Variants in DSCAML1 observed in about 807,000 individuals in gnomAD.
The protein encoded by DSCAML1 is cell adhesion molecule DSCAML1.
A neutral mutation model predicts 200.5 loss-of-function variants in DSCAML1; 38 were observed. The observed-to-expected ratio is 0.19, with a 90% confidence interval of 0.15 to 0.25. The LOEUF (loss-of-function observed/expected upper bound fraction) is 0.25. Ranked by LOEUF, DSCAML1 falls within the 10% of genes least tolerant of loss-of-function variation. The pLI is 1.00. For synonymous variants in DSCAML1, 1,215 were observed against 1,165.0 expected (o/e 1.04, Z -0.87); for missense variants, 2,223 against 2,858.8 (o/e 0.78, Z 5.07).
At chr11:117,816,029 A>C (rs1302547131) in intron 1 of DSCAML1, among the ~76,000 whole-genome samples, 2 of 151,870 alleles carry the variant, frequency 1.3e-5, no homozygotes, top group Non-Finnish European at 2.9e-5. Context: ...CCAATCTCCC[A>C]ATGCCACCTT....
chr11:117,484,504 A>AT (rs1481968980), intron 11 of DSCAML1, among the ~76,000 whole-genome samples: 1 of 152,252 alleles, frequency 6.6e-6, no homozygotes, highest in Non-Finnish European at 1.5e-5. Flanking sequence ...ACACTAGGAT[A>AT]TACAATAAAA....
intron 3 of DSCAML1, among the ~76,000 whole-genome samples, chr11:117,551,060 C>T (rs1210667676): frequency 6.6e-6 from 1 of 152,142 alleles, no homozygotes; most frequent in African/African-American, 2.4e-5. Flanking sequence ...CTTTTCCTGC[C>T]CCCTCTTCTC....
At chr11:117,534,120 T>G (rs1331003095) in intron 3 of DSCAML1, among the ~76,000 whole-genome samples, 3 of 152,138 alleles carry the variant, frequency 2.0e-5, no homozygotes, top group Non-Finnish European at 4.4e-5. Flanking sequence ...TATTTAGAGG[T>G]CTGCTACCTG....
At position 117,518,613 on chromosome 11, in the gene DSCAML1, G is replaced by A. The variant is rs201713277; in HGVS notation, c.1363C>T (p.Arg455Cys). ...DEPIVRDGSHRTNQYTMSDGT... is the reference protein window; with the variant it reads ...DEPIVRDGSHCTNQYTMSDGT... ...TCCGACATGGTGTACTGGTTGGTGCGGTGGCTGCCATCCCGCACGATGGGC... is the reference window on the plus strand; with the variant it reads ...TCCGACATGGTGTACTGGTTGGTGCAGTGGCTGCCATCCCGCACGATGGGC... The change falls in exon 7 of 33, where the codon CGC (arginine) becomes TGC (cysteine). Residue 455 changes from arginine (R) to cysteine (C), a missense_variant. Around this residue, in one of 7 missense-constraint regions of DSCAML1, gnomAD observed 579 missense variants for 721.5 expected, o/e 0.80. Transcript: ENST00000651296. This position sits in a 1 kb window ranked among gnomAD's most constrained non-coding sequence, Gnocchi z 6.3. The A allele has an allele frequency of 1.4e-5, 22 of 1,613,596 alleles. No individual in the cohort carries two copies. The highest frequency in any genetic ancestry group is 1.7e-5 in the Non-Finnish European group (20 of 1,179,950).
intron 1 of DSCAML1, among the ~76,000 whole-genome samples, chr11:117,784,049 T>C (rs1229367300): frequency 6.6e-6 from 1 of 152,170 alleles, no homozygotes; most frequent in Non-Finnish European, 1.5e-5. Context: ...GTAGATTTAA[T>C]TGATGAATTG....
chr11:117,455,638 T>A (rs955792091), intron 19 of DSCAML1, among the ~76,000 whole-genome samples: 1 of 152,228 alleles, frequency 6.6e-6, no homozygotes, highest in Admixed American at 6.5e-5. Context: ...TTATTTTGCT[T>A]TTTTCTAAAT....
At position 117,428,766 on chromosome 11, in the gene DSCAML1, C is replaced by G; in HGVS notation, c.5724G>C (p.Glu1908Asp). The change falls in exon 33 of 33, where the codon GAG becomes GAC. Residue 1908 changes from glutamate to aspartate, a missense_variant. Glu to Asp is a conservative substitution (Grantham distance 45, BLOSUM62 2). Coordinates refer to ENST00000651296, the MANE Select transcript of DSCAML1 (RefSeq NM_020693.4). Reference protein sequence around the residue: ...YCNLPLYAKSEAFFRKADGRE... With the variant: ...YCNLPLYAKSDAFFRKADGRE... ...GTCCATCTGCCTTTCGAAAGAAGGC[C>G]TCTGACTTGGCATACAGGGGCAGGT... is the stretch of plus-strand genomic sequence containing the variant. The G allele has an allele frequency of 6.2e-7, 1 of 1,610,688 alleles. No homozygotes were observed. The highest frequency in any genetic ancestry group is 8.5e-7 in the Non-Finnish European group (1 of 1,179,006).
At chr11:117,590,284 G>C (rs1442130140) in intron 3 of DSCAML1, among the ~76,000 whole-genome samples, 1 of 151,792 alleles carries the variant, frequency 6.6e-6, no homozygotes, top group Non-Finnish European at 1.5e-5. Flanking sequence ...GACTTCCTGG[G>C]CTCAAACAAT....
At position 117,748,884 on chromosome 11, in the gene DSCAML1, T is replaced by C. The variant is rs183844531; in HGVS notation, c.511+27907A>G. On this transcript the variant is annotated intron_variant, in intron 3 of 32. Transcript: ENST00000651296. ...GGCAGGGCTGCTATGAGCAGCAAGA[T>C]GGAGGGTCCCACTGCCCAGGCCCAG... Among the ~76,000 whole-genome samples the C allele has an allele frequency of 5.9e-5, 9 of 152,258 alleles. No individual in the cohort carries two copies. The East Asian group carries it at 1.7e-3, about 29-fold the overall frequency.
chr11:117,634,658 C>T (rs2052241962), intron 3 of DSCAML1, among the ~76,000 whole-genome samples: 2 of 152,202 alleles, frequency 1.3e-5, no homozygotes, highest in Admixed American at 1.3e-4. Context: ...CCCAAAGCCA[C>T]ATCCACTTGC....
chr11:117,520,730 C>CAA (rs900602820), intron 6 of DSCAML1, among the ~76,000 whole-genome samples: 2 of 151,630 alleles, frequency 1.3e-5, no homozygotes, highest in African/African-American at 4.8e-5. Context: ...GAAAACAAAA[C>CAA]AAAACAAACC....
chr11:117,776,350 C>A (rs1365583112), intron 3 of DSCAML1, among the ~76,000 whole-genome samples: 2 of 152,118 alleles, frequency 1.3e-5, no homozygotes, highest in Non-Finnish European at 2.9e-5. Context: ...TCAGGTCCTC[C>A]AAGGAGGCAG....
At chr11:117,713,154 C>T (rs745850690) in intron 3 of DSCAML1, among the ~76,000 whole-genome samples, 7 of 152,112 alleles carry the variant, frequency 4.6e-5, no homozygotes, top group Non-Finnish European at 7.4e-5. Flanking sequence ...TAGAATGTAA[C>T]GGCATGACCT....
chr11:117,512,781 A>ACACACACACACACACACC (rs2049662726), intron 8 of DSCAML1, among the ~76,000 whole-genome samples: 3 of 148,858 alleles, frequency 2.0e-5, no homozygotes, highest in Non-Finnish European at 3.0e-5. Flanking sequence ...ACACACACAC[A>ACACACACACACACACACC]CACACACACA....
chr11:117,546,456 G>A (rs991060566), intron 3 of DSCAML1, among the ~76,000 whole-genome samples: 17 of 152,166 alleles, frequency 1.1e-4, no homozygotes, highest in Non-Finnish European at 2.1e-4. Context: ...TCTAAGTGGG[G>A]GACTCAGAAC....
At chr11:117,715,541 T>C (rs1190094245) in intron 3 of DSCAML1, among the ~76,000 whole-genome samples, 1 of 152,236 alleles carries the variant, frequency 6.6e-6, no homozygotes, top group Non-Finnish European at 1.5e-5. Flanking sequence ...TAGACAGCGA[T>C]AGCTCTTGCC....
In DSCAML1 at chr11:117,505,749, G is replaced by A; in HGVS notation, c.1784-17C>T. On this transcript the variant is annotated splice_polypyrimidine_tract_variant and intron_variant, in intron 8 of 32. Coordinates refer to ENST00000651296, the MANE Select transcript of DSCAML1 (RefSeq NM_020693.4). The surrounding 1 kb of genome is among the most constrained non-coding windows in gnomAD (Gnocchi z 6.7). ...GAGGGGGCACTGGGAAGGCAAGCGG[G>A]TGCTGCCGTCAGGACCCTGTGCATT... 6.2e-7 allele frequency: 1 copy of A among 1,601,250 alleles called. No individual in the cohort carries two copies. Among genetic ancestry groups the A allele is most frequent in the Non-Finnish European group, 8.5e-7 (1 of 1,173,598 alleles).
In DSCAML1 at chr11:117,428,276, T is replaced by G; in HGVS notation, c.*52A>C. On this transcript the variant is annotated 3_prime_UTR_variant, in exon 33 of 33. Transcript: ENST00000651296. ...ATGCAGAAAAACAGCCGAGCTGGCG[T>G]GTGGGGCTGCGGCGCGGCGCGGTCC... The G allele has an allele frequency of 9.9e-7, 1 of 1,013,942 alleles. No individual in the cohort carries two copies. Among genetic ancestry groups the G allele is most frequent in the Non-Finnish European group, 1.5e-6 (1 of 658,786 alleles). The allele number at this position is 1,013,942 out of a possible 1,614,324, so 62.8% of individuals were successfully genotyped here.
At chr11:117,676,480 A>C (rs2053216122) in intron 3 of DSCAML1, among the ~76,000 whole-genome samples, 1 of 152,186 alleles carries the variant, frequency 6.6e-6, no homozygotes, top group South Asian at 2.1e-4. Flanking sequence ...CCTTGTTACC[A>C]TAGCAGGTCC....
Sources: gnomAD v4.1 joint callset for allele counts (sites outside exome capture counted in the v4.1 genomes callset) on GRCh38, gnomAD v4.1.1 for gene constraint, gnomAD v4.1.1 regional missense constraint, Gnocchi (gnomAD v3.1) non-coding constraint, MANE v1.5 for transcripts, NCBI Gene and HGNC (gene_info 2026-07-23, HGNC 2026-07-21) for gene names.